Variants in PLEKHG1 observed in about 807,000 individuals in gnomAD.
PLEKHG1 encodes the protein pleckstrin homology and RhoGEF domain containing G1, also known as pleckstrin homology domain-containing family G member 1.
In PLEKHG1, 44 loss-of-function variants were observed where a neutral mutation model predicts 100.8. The ratio of observed to expected loss-of-function variants is 0.44; its 90% CI spans 0.34 to 0.56. PLEKHG1 has a LOEUF of 0.56. PLEKHG1 is among the 20% of genes least tolerant of loss of function. PLEKHG1 has a pLI of 0.01. For synonymous variants in PLEKHG1, 640 were observed against 662.5 expected (o/e 0.97, Z 0.52); for missense variants, 1,545 against 1,720.9 (o/e 0.90, Z 1.81).
chr6:150,810,471 A>G (rs144140865), intron 10 of PLEKHG1, among the ~76,000 whole-genome samples: 12,846 of 112,004 alleles, frequency 0.11, 747 homozygotes, highest in Non-Finnish European at 0.15. Context: ...CTCAAAAAAA[A>G]GAAAGAAAGA....
rs962852222 is a variant in PLEKHG1 at position 150,757,018 on chromosome 6, A to G, written c.412-11620A>G. Among the ~76,000 whole-genome samples the G allele has an allele frequency of 2.7e-5, 4 of 149,286 alleles. 1 individual carries two copies. In the South Asian group the frequency reaches 8.4e-4, roughly 31 times the overall value. On this transcript the variant is annotated intron_variant, in intron 2 of 15. Coordinates refer to ENST00000358517, the Ensembl canonical transcript of PLEKHG1. Reference sequence around the variant, plus strand: ...GGAAAAGCTGTACCTGTTTTTGTTTATTTGTTTTAAGATGGAGTCTCGCTC... The same window carrying G: ...GGAAAAGCTGTACCTGTTTTTGTTTGTTTGTTTTAAGATGGAGTCTCGCTC...
chr6:150,795,574 A>G (rs747239987), intron 4 of PLEKHG1, among the ~76,000 whole-genome samples: 6 of 149,202 alleles, frequency 4.0e-5, no homozygotes, highest in Non-Finnish European at 8.9e-5. Flanking sequence ...AAATCCACCA[A>G]AGCCGGGCAT....
At chr6:150,766,623 C>A (rs1562499850) in intron 2 of PLEKHG1, among the ~76,000 whole-genome samples, 2 of 152,194 alleles carry the variant, frequency 1.3e-5, no homozygotes, top group Non-Finnish European at 2.9e-5. Context: ...TGAAAACAAG[C>A]AACTTTTAAA....
At chr6:150,618,642 C>T (rs1301097281) in intron 1 of PLEKHG1, among the ~76,000 whole-genome samples, 1 of 152,160 alleles carries the variant, frequency 6.6e-6, no homozygotes, top group Non-Finnish European at 1.5e-5. Flanking sequence ...GAGTTTTGGG[C>T]ATTATACCTT....
intron 6 of PLEKHG1, among the ~76,000 whole-genome samples, chr6:150,801,721 T>A (rs991589430): frequency 1.3e-5 from 2 of 152,132 alleles, no homozygotes; most frequent in Non-Finnish European, 2.9e-5. Context: ...ATTACAGATG[T>A]GAGCCACCAC....
intron 3 of PLEKHG1, among the ~76,000 whole-genome samples, chr6:150,701,417 TTATATATA>T (rs56982419): frequency 0.021 from 658 of 31,062 alleles, 9 homozygotes; most frequent in South Asian, 0.058. Flanking sequence ...CAGTAATTCT[TTATATATA>T]TATATATATA....
chr6:150,646,052 G>A (rs143797254), intron 2 of PLEKHG1, among the ~76,000 whole-genome samples: 3 of 152,272 alleles, frequency 2.0e-5, no homozygotes, highest in Non-Finnish European at 4.4e-5. Flanking sequence ...AGTACAAACA[G>A]TTGAACTACA....
intron 3 of PLEKHG1, among the ~76,000 whole-genome samples, chr6:150,773,958 C>T (rs957364724): frequency 2.6e-5 from 4 of 152,014 alleles, no homozygotes; most frequent in African/African-American, 9.7e-5. Context: ...ATACTTACAG[C>T]TTTTGATGTT....
chr6:150,671,725 C>T (rs9480518), intron 3 of PLEKHG1, among the ~76,000 whole-genome samples: 11,811 of 152,196 alleles, frequency 0.078, 546 homozygotes, highest in Non-Finnish European at 0.1. Context: ...TCTAAGAGAT[C>T]ACATTCTAGT....
intron 3 of PLEKHG1, among the ~76,000 whole-genome samples, chr6:150,685,815 TATTAA>T (rs1388424353): frequency 3.3e-5 from 5 of 152,188 alleles, no homozygotes; most frequent in Non-Finnish European, 7.3e-5. Flanking sequence ...ATCTTGATCT[TATTAA>T]ATTAAATAAG....
rs530301698 is a variant in PLEKHG1, at chr6:150,788,989, C to T, written c.582+2530C>T. 2.2e-4 allele frequency among the ~76,000 whole-genome samples: 33 copies of T among 152,266 alleles called. 1 individual carries two copies. The South Asian group carries it at 6.9e-3, about 32-fold the overall frequency. Reference sequence around the variant, plus strand: ...TCATATGATTAGAGTGAATTTAAGTCAAAGTTACCCGTATGCTGTTTACAT... The same window carrying T: ...TCATATGATTAGAGTGAATTTAAGTTAAAGTTACCCGTATGCTGTTTACAT... On this transcript the variant is annotated intron_variant, in intron 4 of 15. Transcript: ENST00000358517.
At chr6:150,689,855 C>CAAAAAAAAAAA (rs58356927) in intron 3 of PLEKHG1, among the ~76,000 whole-genome samples, 1 of 84,686 alleles carries the variant, frequency 1.2e-5, no homozygotes, top group African/African-American at 4.3e-5. Flanking sequence ...AACTCTGTCT[C>CAAAAAAAAAAA]AAAAAAAAAA....
intron 14 of PLEKHG1, chr6:150,828,184 T>C (rs576707615): frequency 1.8e-5 from 29 of 1,613,842 alleles, no homozygotes; most frequent in Non-Finnish European, 2.3e-5. Context: ...GAAGGAGATA[T>C]CAAGGCTCAG....
intron 1 of PLEKHG1, among the ~76,000 whole-genome samples, chr6:150,732,575 G>T (rs1782325887): frequency 6.6e-6 from 1 of 152,174 alleles, no homozygotes; most frequent in Non-Finnish European, 1.5e-5. Flanking sequence ...ACACATCTAG[G>T]CTAGACGAGA....
chr6:150,673,442 TCTATAGGCAATG>T (rs1325411294), intron 3 of PLEKHG1, among the ~76,000 whole-genome samples: 4 of 152,178 alleles, frequency 2.6e-5, no homozygotes, highest in Admixed American at 6.5e-5. Flanking sequence ...CTTTGGCCTG[TCTATAGGCAATG>T]CTTGCTTTCG....
chr6:150,771,674 GATACACCTATCTGGCAA>G, intron 3 of PLEKHG1, among the ~76,000 whole-genome samples: 1 of 152,016 alleles, frequency 6.6e-6, no homozygotes, highest in Middle Eastern at 3.4e-3. Context: ...CGATTTCAAA[GATACACCTATCTGGCAA>G]ATCTGTGGTT....
intron 3 of PLEKHG1, among the ~76,000 whole-genome samples, chr6:150,705,565 G>A (rs1188543804): frequency 6.6e-6 from 1 of 152,244 alleles, no homozygotes; most frequent in East Asian, 1.9e-4. Context: ...ACAAGCACGT[G>A]ACCTTGCAAA....
Position 150,817,328 on chromosome 6 carries a change from G to A in PLEKHG1, c.1279-855G>A, listed in dbSNP as rs547915858. On this transcript the variant is annotated intron_variant, in intron 10 of 15. Coordinates refer to ENST00000358517, the Ensembl canonical transcript of PLEKHG1. The stretch of plus-strand genomic sequence containing the variant: ...AGATTCTGGGGCACACAGAAGAGAT[G>A]GGAGGTGCAGGGAGTTGGGGAAACA... Among the ~76,000 whole-genome samples the A allele has an allele frequency of 2.0e-5, 3 of 152,304 alleles. No homozygotes were observed. The South Asian group carries it at 6.2e-4, about 32-fold the overall frequency.
chr6:150,744,242 T>C (rs1270656330), intron 2 of PLEKHG1, among the ~76,000 whole-genome samples: 1 of 152,060 alleles, frequency 6.6e-6, no homozygotes, highest in Non-Finnish European at 1.5e-5. Context: ...GTTCAGCTAA[T>C]TTTTGGTATT....
Sources: gnomAD v4.1 joint callset for allele counts (sites outside exome capture counted in the v4.1 genomes callset) on GRCh38, gnomAD v4.1.1 for gene constraint, MANE v1.5 for transcripts, NCBI Gene and HGNC (gene_info 2026-07-23, HGNC 2026-07-21) for gene names.